The following PLXNA4 variants were observed in gnomAD, a reference collection of about 807,000 sequenced individuals.
The protein encoded by PLXNA4 is plexin-A4.
A neutral mutation model predicts 191.8 loss-of-function variants in PLXNA4; 44 were observed. That is an observed-to-expected ratio of 0.23 (90% CI 0.18 to 0.29). PLXNA4 has a LOEUF of 0.29. PLXNA4 is among the 10% of genes least tolerant of loss of function. The pLI is 1.00. For synonymous variants in PLXNA4, 1,082 were observed against 1,009.5 expected (o/e 1.07, Z -1.36); for missense variants, 1,800 against 2,488.8 (o/e 0.72, Z 5.89).
At chr7:132,160,504 C>G (rs1795917959) in intron 24 of PLXNA4, among the ~76,000 whole-genome samples, 1 of 152,148 alleles carries the variant, frequency 6.6e-6, no homozygotes, top group Admixed American at 6.5e-5. Flanking sequence ...TGGGATCTTT[C>G]TACATCGACG....
In PLXNA4 at chr7:132,248,119, G is replaced by A. The variant is rs181363184; in HGVS notation, c.1504-6953C>T. On this transcript the variant is annotated intron_variant, in intron 4 of 31. Coordinates refer to ENST00000321063, the MANE Select transcript of PLXNA4 (RefSeq NM_020911.2). ...AAACACGAGGCAAATGAATGCTTCC[G>A]AAGTGCTTATGTGCTCATCTTTGCC... 2.0e-4 allele frequency among the ~76,000 whole-genome samples: 31 copies of A among 152,328 alleles called. No individual in the cohort carries two copies. The East Asian group carries it at 3.3e-3, about 16-fold the overall frequency.
intron 16 of PLXNA4, among the ~76,000 whole-genome samples, chr7:132,182,876 A>G (rs953430376): frequency 6.6e-6 from 1 of 152,156 alleles, no homozygotes; most frequent in Non-Finnish European, 1.5e-5. Flanking sequence ...TAGGAGCTTC[A>G]TCTTGTGTAA....
At chr7:132,178,089 C>A (rs1434568547) in intron 20 of PLXNA4, among the ~76,000 whole-genome samples, 1 of 152,184 alleles carries the variant, frequency 6.6e-6, no homozygotes, top group African/African-American at 2.4e-5. Context: ...GCTGATTTCA[C>A]TTTATGGTGG....
At chr7:132,536,068 G>A (rs1242605697) in intron 1 of PLXNA4, among the ~76,000 whole-genome samples, 1 of 152,186 alleles carries the variant, frequency 6.6e-6, no homozygotes, top group East Asian at 1.9e-4. Flanking sequence ...TTCGTCTTAT[G>A]ACCTTGGACG....
chr7:132,211,106 A>C lies in PLXNA4; in HGVS notation c.2135T>G (p.Val712Gly), dbSNP rs1797785827. 6.3e-7 allele frequency: 1 copy of C among 1,577,408 alleles called. No homozygotes were observed. The highest frequency in any genetic ancestry group is 8.6e-7 in the Non-Finnish European group (1 of 1,161,158). Residue 712 changes from valine to glycine, a missense_variant, in exon 10 of 32, where the codon GTG (valine) becomes GGG (glycine). Val to Gly is a moderately radical substitution (Grantham distance 109). Coordinates refer to ENST00000321063, the MANE Select transcript of PLXNA4 (RefSeq NM_020911.2). The part of the protein sequence containing the change: ...PQLLRVDKIL[V>G]PVEVIKPITL... ...GATAGGCTTGATCACCTCCACGGGC[A>C]CCAGGATCTTGTCCACTCGCAGCAG...
intron 5 of PLXNA4, among the ~76,000 whole-genome samples, chr7:132,236,263 C>G (rs1346915095): frequency 1.3e-5 from 2 of 152,184 alleles, no homozygotes; most frequent in African/African-American, 2.4e-5. Flanking sequence ...CTCAACCCCT[C>G]TCTCTGCCTT....
At chr7:132,484,386 C>A (rs1797457862) in intron 3 of PLXNA4, among the ~76,000 whole-genome samples, 1 of 152,244 alleles carries the variant, frequency 6.6e-6, no homozygotes, top group African/African-American at 2.4e-5. Flanking sequence ...CCTGTGGGAT[C>A]TTCTGCCTGG....
intron 3 of PLXNA4, among the ~76,000 whole-genome samples, chr7:132,488,000 A>G (rs940781031): frequency 6.6e-6 from 1 of 152,204 alleles, no homozygotes; most frequent in Non-Finnish European, 1.5e-5. Flanking sequence ...GTGACACTGA[A>G]GGCGGTCCAC....
chr7:132,131,714 G>T (rs2671101), intron 31 of PLXNA4, among the ~76,000 whole-genome samples: 140,752 of 152,352 alleles, frequency 0.92, 65,149 homozygotes, highest in East Asian at 1. Context: ...CTTTCTGAGA[G>T]GAGACGGTTG....
intron 2 of PLXNA4, among the ~76,000 whole-genome samples, chr7:132,628,250 A>G (rs1803420253): frequency 6.6e-6 from 1 of 152,212 alleles, no homozygotes; most frequent in Non-Finnish European, 1.5e-5. Context: ...TTCTGAAGAC[A>G]TGGCTCCATG....
At chr7:132,612,967 A>T (rs1803082637) in intron 2 of PLXNA4, among the ~76,000 whole-genome samples, 1 of 152,054 alleles carries the variant, frequency 6.6e-6, no homozygotes, top group South Asian at 2.1e-4. Flanking sequence ...TTACACAGTC[A>T]CCTAGATGTA....
At chr7:132,610,048 G>A (rs1018986802) in intron 2 of PLXNA4, among the ~76,000 whole-genome samples, 2 of 152,212 alleles carry the variant, frequency 1.3e-5, no homozygotes, top group East Asian at 3.8e-4. Flanking sequence ...ATTATGCCCA[G>A]CTCTCTTCAC....
At chr7:132,436,349 T>A (rs1335997997) in intron 3 of PLXNA4, among the ~76,000 whole-genome samples, 1 of 152,172 alleles carries the variant, frequency 6.6e-6, no homozygotes, top group Non-Finnish European at 1.5e-5. Flanking sequence ...CGGGGAGTGA[T>A]GAGGTAAGGC....
chr7:132,440,103 T>TC (rs1055850211), intron 3 of PLXNA4, among the ~76,000 whole-genome samples: 2 of 152,098 alleles, frequency 1.3e-5, no homozygotes, highest in African/African-American at 4.8e-5. Context: ...TTCTCCGATT[T>TC]CCCCACAAGT....
At chr7:132,423,801 C>T (rs1006777315) in intron 3 of PLXNA4, among the ~76,000 whole-genome samples, 1 of 152,178 alleles carries the variant, frequency 6.6e-6, no homozygotes, top group Non-Finnish European at 1.5e-5. Flanking sequence ...TGTTTTTCTT[C>T]ATCCCTGTTT....
At chr7:132,156,108 ATCTC>A (rs36128538) in intron 25 of PLXNA4, among the ~76,000 whole-genome samples, 1 of 141,022 alleles carries the variant, frequency 7.1e-6, no homozygotes, top group Non-Finnish European at 1.5e-5. Flanking sequence ...TTTAAAATGA[ATCTC>A]TCTCTCTCTC....
chr7:132,287,083 G>A (rs756273894), intron 4 of PLXNA4, among the ~76,000 whole-genome samples: 12 of 152,028 alleles, frequency 7.9e-5, no homozygotes, highest in Non-Finnish European at 1.3e-4. Flanking sequence ...CACCTAAGCC[G>A]GGGTGAAGTG....
chr7:132,148,695 T>TGG lies in PLXNA4; in HGVS notation c.4661-51_4661-50dup, dbSNP rs764212706. The TGG allele has an allele frequency of 2.5e-6, 4 of 1,612,122 alleles. No homozygotes were observed. In the South Asian group the frequency reaches 4.4e-5, roughly 18 times the overall value. ...CAGAGAGGCCCTATGACCCCTCTTG[T>TGG]GGGGAAGCTGAGGACCCTGTGTAGG... On this transcript the variant is annotated intron_variant, in intron 25 of 31. Coordinates refer to ENST00000321063, the MANE Select transcript of PLXNA4 (RefSeq NM_020911.2).
intron 22 of PLXNA4, 107 bp downstream of exon 22, chr7:132,168,197 G>A (rs1796177012): frequency 1.4e-6 from 2 of 1,379,944 alleles, no homozygotes; most frequent in Non-Finnish European, 1.9e-6. Context: ...ACTTGAACTT[G>A]GGAACATGGC....
Sources: allele counts gnomAD v4.1 joint callset (sites outside exome capture counted in the v4.1 genomes callset), GRCh38; gene constraint gnomAD v4.1.1; transcripts MANE v1.5; gene names NCBI Gene and HGNC (gene_info 2026-07-23, HGNC 2026-07-21).